Variants in KDM5A observed in about 807,000 individuals in gnomAD.
KDM5A encodes the protein lysine-specific demethylase 5A.
In KDM5A, 42 loss-of-function variants were observed where a neutral mutation model predicts 193.5. The observed-to-expected ratio is 0.22, with a 90% CI of 0.17 to 0.28. The LOEUF (loss-of-function observed/expected upper bound fraction) is 0.28. KDM5A is among the 10% of genes least tolerant of loss of function. KDM5A has a pLI of 1.00. For missense variants in KDM5A, 1,692 were observed against 2,055.1 expected, an observed-to-expected ratio of 0.82 and a Z score of 3.42; for synonymous variants, 796 against 718.1, an observed-to-expected ratio of 1.11 and a Z score of -1.73.
Position 287,731 on chromosome 12 carries a change from A to AC in KDM5A, c.4867-2070dup, listed in dbSNP as rs1943238019. Among the ~76,000 whole-genome samples the AC allele has an allele frequency of 2.0e-5, 3 of 152,074 alleles. No individual in the cohort carries two copies. The South Asian group carries it at 6.2e-4, about 32-fold the overall frequency. On this transcript the variant is annotated intron_variant, in intron 27 of 27. Coordinates refer to ENST00000399788, the MANE Select transcript of KDM5A (RefSeq NM_001042603.3). The stretch of plus-strand genomic sequence containing the variant: ...TACCTGTGAACCAACAGTTACCTTC[A>AC]CCCTTACACCTCCAACCCTCTTTCT...
Position 310,992 on chromosome 12 carries a change from G to T in KDM5A, c.3109C>A (p.Leu1037Ile), listed in dbSNP as rs1176133290. The stretch of plus-strand genomic sequence containing the variant: ...GATTCCACTTGCGGCAGTGCTTCAA[G>T]ACGCACAGGAATAGGGCGTCCTTTC... Reference protein sequence around the residue: ...SAKGRPIPVRLEALPQVESQV... With the variant: ...SAKGRPIPVRIEALPQVESQV... The change falls in exon 21 of 28, where the codon CTT becomes ATT. Residue 1037 changes from leucine (L) to isoleucine (I), a missense_variant. Coordinates refer to ENST00000399788, the MANE Select transcript of KDM5A (RefSeq NM_001042603.3). The T allele has an allele frequency of 1.2e-6, 2 of 1,614,196 alleles. No homozygotes were observed. The highest frequency in any genetic ancestry group is 1.7e-6 in the Non-Finnish European group (2 of 1,180,026).
chr12:343,806 G>T (rs1166090631), intron 10 of KDM5A, among the ~76,000 whole-genome samples: 2 of 152,190 alleles, frequency 1.3e-5, no homozygotes, highest in Admixed American at 6.5e-5. Flanking sequence ...ACAAAGATGG[G>T]GAGAAACCAG....
chr12:361,126 G>C lies in KDM5A; in HGVS notation c.672+1837C>G, dbSNP rs576914663. The stretch of plus-strand genomic sequence containing the variant: ...ATTCTTAATTTCAAATCCTGAAATA[G>C]TTTATCAACCAATCTGAATACAGTG... On this transcript the variant is annotated intron_variant, in intron 5 of 27. Transcript: ENST00000399788. Among the ~76,000 whole-genome samples the C allele has an allele frequency of 1.6e-4, 24 of 152,254 alleles. 1 individual carries two copies. The South Asian group carries it at 5.0e-3, about 32-fold the overall frequency.
Position 384,127 on chromosome 12 carries a change from G to T in KDM5A, c.270C>A (p.Phe90Leu). 4 of 1,598,682 alleles carry T rather than the reference G, an allele frequency of 2.5e-6. No homozygotes were observed. The highest frequency in any genetic ancestry group is 3.4e-6 in the Non-Finnish European group (4 of 1,165,962). Residue 90 changes from phenylalanine (F) to leucine (L), a missense_variant, in exon 3 of 28, where the codon TTC becomes TTA. This residue lies in a region of KDM5A where 120 missense variants were observed against 172.0 expected (regional missense o/e 0.70). Transcript: ENST00000399788. ...LEAMTRVRLD[F>L]LDQLAKFWEL... ...CCCAAAATTTTGCTAGTTGATCCAA[G>T]AAATCCAATCTCACTCTGGTCATTG...
intron 10 of KDM5A, among the ~76,000 whole-genome samples, chr12:342,262 T>C (rs1944015042): frequency 6.6e-6 from 1 of 152,112 alleles, no homozygotes; most frequent in Non-Finnish European, 1.5e-5. Flanking sequence ...TATTGCCAAT[T>C]ATAGGGGGAA....
At chr12:329,177 G>A (rs1317844077) in intron 13 of KDM5A, 148 bp from the exon 14 acceptor site, 14 of 715,144 alleles carry the variant, frequency 2.0e-5, no homozygotes, top group Non-Finnish European at 3.4e-5. Flanking sequence ...TCTATTAACT[G>A]TAAATATTAA....
intron 10 of KDM5A, among the ~76,000 whole-genome samples, chr12:341,127 A>G (rs1411472904): frequency 1.3e-5 from 2 of 152,252 alleles, no homozygotes; most frequent in Non-Finnish European, 2.9e-5. Context: ...CTGCTCAAGA[A>G]CAATTTAAAA....
At chr12:367,106 T>C (rs1361097425) in intron 3 of KDM5A, among the ~76,000 whole-genome samples, 5 of 152,232 alleles carry the variant, frequency 3.3e-5, no homozygotes, top group African/African-American at 1.2e-4. Context: ...AATGAAATCC[T>C]CATGTTTTTC....
At chr12:346,879 C>T (rs1002632858) in intron 10 of KDM5A, among the ~76,000 whole-genome samples, 2 of 152,146 alleles carry the variant, frequency 1.3e-5, no homozygotes, top group Non-Finnish European at 2.9e-5. Flanking sequence ...CTTCTCTCAC[C>T]ACTCCTATTC....
Position 307,556 on chromosome 12 carries a change from T to C in KDM5A, c.3828A>G (p.Leu1276=), listed in dbSNP as rs572150051. Residue 1276 remains leucine (L), a synonymous_variant, in exon 23 of 28, where the codon CTA becomes CTG. Transcript: ENST00000399788. This position sits in a 1 kb window ranked among gnomAD's most constrained non-coding sequence, Gnocchi z 4.3. ...CCACCATACGCTGGCTCAACACAGA[T>C]AGTTTGGCCAGGGCAGAGGATAGTT... ...TDELSSALAK[L]SVLSQRMVEQ... is the part of the protein sequence containing the mutation. 68 of 1,614,112 alleles carry C rather than the reference T, an allele frequency of 4.2e-5. No homozygotes were observed. In the South Asian group the frequency reaches 6.7e-4, roughly 16 times the overall value.
chr12:369,720 G>C (rs1415366627), intron 3 of KDM5A, among the ~76,000 whole-genome samples: 1 of 152,184 alleles, frequency 6.6e-6, no homozygotes, highest in Non-Finnish European at 1.5e-5. Flanking sequence ...AAGGAAGCCA[G>C]TGTGGCTAAA....
rs1198728568 is a variant in KDM5A, at chr12:284,689, T to C, written c.*767A>G. The C allele has an allele frequency of 3.9e-5, 9 of 233,104 alleles. No homozygotes were observed. The highest frequency in any genetic ancestry group is 7.6e-5 in the Non-Finnish European group (9 of 117,704). 14.4% of individuals were successfully genotyped at this position (233,104 alleles called of 1,614,324 possible). A position where few individuals can be genotyped will look rare whatever the true frequency, so the allele number is the denominator to read the frequency against. ...TCCATGTACCTGCTCTTCCCTAAAATGTAGACCCAAGACAGCAAGACTTTT... is the reference window on the plus strand; with the variant it reads ...TCCATGTACCTGCTCTTCCCTAAAACGTAGACCCAAGACAGCAAGACTTTT... On this transcript the variant is annotated 3_prime_UTR_variant, in exon 28 of 28. Transcript: ENST00000399788.
At chr12:335,505 C>T (rs1018292511) in intron 10 of KDM5A, among the ~76,000 whole-genome samples, 1 of 152,114 alleles carries the variant, frequency 6.6e-6, no homozygotes, top group Non-Finnish European at 1.5e-5. Context: ...TGAGAATCTG[C>T]TATTAAAAAG....
In KDM5A at chr12:350,617, G is replaced by A; in HGVS notation, c.1308+4C>T. The A allele has an allele frequency of 1.2e-6, 2 of 1,613,896 alleles. No individual in the cohort carries two copies. Among genetic ancestry groups the A allele is most frequent in the Non-Finnish European group, 1.7e-6 (2 of 1,179,928 alleles). On this transcript the variant is annotated splice_donor_region_variant and intron_variant, in intron 10 of 27. Coordinates refer to ENST00000399788, the MANE Select transcript of KDM5A (RefSeq NM_001042603.3). ...GGTAAGCAAAAGTTTGGATAAATCT[G>A]CACCTCTTCTTCTGGCAGAATCTTT...
chr12:365,534 T>C (rs985125321), intron 4 of KDM5A, among the ~76,000 whole-genome samples: 9 of 152,150 alleles, frequency 5.9e-5, no homozygotes, highest in African/African-American at 2.2e-4. Flanking sequence ...CAAGAGAATT[T>C]TGGGGGCTAG....
intron 19 of KDM5A, among the ~76,000 whole-genome samples, chr12:315,554 G>A (rs1299832366): frequency 6.6e-6 from 1 of 152,006 alleles, no homozygotes; most frequent in Non-Finnish European, 1.5e-5. Flanking sequence ...CCCAGCCTGG[G>A]CAACAAAGCA....
At chr12:313,252 T>C in intron 19 of KDM5A, 58 bp from the exon 20 acceptor site, 1 of 1,585,518 alleles carries the variant, frequency 6.3e-7, no homozygotes, top group Non-Finnish European at 8.7e-7. Context: ...TAAGTAACAT[T>C]TCAGAATGTT....
chr12:336,043 CAAAAAAAAA>C (rs753624871), intron 10 of KDM5A, among the ~76,000 whole-genome samples: 31 of 42,018 alleles, frequency 7.4e-4, no homozygotes, highest in East Asian at 6.8e-4. Flanking sequence ...TACTTCATCT[CAAAAAAAAA>C]AAAAAAAAAA....
At chr12:325,344 A>G (rs1213503715) in intron 14 of KDM5A, among the ~76,000 whole-genome samples, 2 of 152,238 alleles carry the variant, frequency 1.3e-5, no homozygotes, top group Non-Finnish European at 2.9e-5. Flanking sequence ...CATTTCCCAA[A>G]GTGTACTCCA....
Sources: gnomAD v4.1 joint callset for allele counts (sites outside exome capture counted in the v4.1 genomes callset) on GRCh38, gnomAD v4.1.1 for gene constraint, gnomAD v4.1.1 regional missense constraint, Gnocchi (gnomAD v3.1) non-coding constraint, MANE v1.5 for transcripts, NCBI Gene and HGNC (gene_info 2026-07-23, HGNC 2026-07-21) for gene names.